Variants in KCNN3 observed in about 807,000 individuals in gnomAD.
KCNN3 encodes the protein potassium calcium-activated channel subfamily N member 3, also known as small conductance calcium-activated potassium channel protein 3.
In KCNN3, 16 loss-of-function variants were observed where a neutral mutation model predicts 62.9. The observed-to-expected ratio is 0.25, with a 90% CI of 0.17 to 0.39. The LOEUF (loss-of-function observed/expected upper bound fraction) is 0.39, where lower values mean the gene tolerates loss of function less well. KCNN3 is among the 10% of genes least tolerant of loss of function. KCNN3 has a pLI of 1.00. For missense variants in KCNN3, 599 were observed against 949.4 expected, an observed-to-expected ratio of 0.63 and a Z score of 4.85; for synonymous variants, 370 against 389.2, an observed-to-expected ratio of 0.95 and a Z score of 0.58.
At chr1:154,846,072 T>C (rs1016739596) in intron 1 of KCNN3, among the ~76,000 whole-genome samples, 2 of 152,178 alleles carry the variant, frequency 1.3e-5, no homozygotes, top group African/African-American at 4.8e-5. Context: ...CAACACCAGC[T>C]GGCAGCGGCT....
intron 1 of KCNN3, among the ~76,000 whole-genome samples, chr1:154,822,632 G>C (rs1257431941): frequency 6.6e-6 from 1 of 152,256 alleles, no homozygotes; most frequent in Non-Finnish European, 1.5e-5. Flanking sequence ...ACCCAAACCA[G>C]AGGATTTCGG....
chr1:154,798,059 T>C (rs1295255710), intron 2 of KCNN3, among the ~76,000 whole-genome samples: 1 of 152,166 alleles, frequency 6.6e-6, no homozygotes, highest in Non-Finnish European at 1.5e-5. Flanking sequence ...TTCAGCTCCA[T>C]GACTGCCATA....
chr1:154,768,576 C>G (rs921302786), intron 3 of KCNN3, among the ~76,000 whole-genome samples: 1 of 152,154 alleles, frequency 6.6e-6, no homozygotes, highest in African/African-American at 2.4e-5. Flanking sequence ...GAGTGTCCTA[C>G]TAGAAGCAAA....
At chr1:154,863,546 C>G (rs1652845896) in intron 1 of KCNN3, among the ~76,000 whole-genome samples, 1 of 152,204 alleles carries the variant, frequency 6.6e-6, no homozygotes, top group Non-Finnish European at 1.5e-5. Context: ...ATGTGCTTCA[C>G]AAATAACTGC....
intron 2 of KCNN3, among the ~76,000 whole-genome samples, chr1:154,780,221 G>A (rs1185143448): frequency 1.3e-5 from 1 of 78,134 alleles, no homozygotes; most frequent in African/African-American, 5.0e-5. Context: ...TTTTTTTTTA[G>A]GATAAGTTTA....
chr1:154,812,406 C>G (rs1034478654), intron 2 of KCNN3, among the ~76,000 whole-genome samples: 3 of 152,106 alleles, frequency 2.0e-5, no homozygotes, highest in Non-Finnish European at 2.9e-5. Flanking sequence ...TATCCCTCCC[C>G]CATCCCCCCA....
At chr1:154,831,677 T>G (rs1651382718) in intron 1 of KCNN3, among the ~76,000 whole-genome samples, 2 of 152,004 alleles carry the variant, frequency 1.3e-5, no homozygotes, top group Non-Finnish European at 2.9e-5. Context: ...GGCCATCCAG[T>G]CTCTGCTTGA....
chr1:154,766,546 A>G (rs920313083), intron 3 of KCNN3, among the ~76,000 whole-genome samples: 1 of 148,834 alleles, frequency 6.7e-6, no homozygotes, highest in Non-Finnish European at 1.5e-5. Context: ...GAGGAACCAC[A>G]GTGCCTGGCC....
chr1:154,813,145 C>T (rs544528242), intron 2 of KCNN3, among the ~76,000 whole-genome samples: 13 of 152,088 alleles, frequency 8.5e-5, no homozygotes, highest in Middle Eastern at 3.4e-3. Flanking sequence ...CCTCTCGTCC[C>T]ATGTAGAATG....
rs1270057106 is a variant in KCNN3, at chr1:154,869,834, G to A, written c.131C>T (p.Pro44Leu). The change falls in exon 1 of 8, where the codon CCG becomes CTG. Residue 44 changes from proline (P) to leucine (L), a missense_variant. By Grantham distance (98) the Pro-to-Leu change is moderately conservative. Transcript: ENST00000271915. This position sits in a 1 kb window ranked among gnomAD's most constrained non-coding sequence, Gnocchi z 6.1. ...QQQQQQQQPP[P>L]PAPPAAPQQP... ...CTGGGGGGCTGCTGGTGGCGCTGGC[G>A]GTGGTGGCTGCTGCTGCTGTTGCTG... 16 of 1,567,788 alleles carry A rather than the reference G, an allele frequency of 1.0e-5. No individual in the cohort carries two copies. Among genetic ancestry groups the A allele is most frequent in the African/African-American group, 5.4e-5 (4 of 73,446 alleles).
At chr1:154,837,392 C>T (rs1406886569) in intron 1 of KCNN3, among the ~76,000 whole-genome samples, 2 of 152,190 alleles carry the variant, frequency 1.3e-5, no homozygotes, top group African/African-American at 4.8e-5. Flanking sequence ...ATCCACCCGC[C>T]TCGGCCTCCC....
At chr1:154,732,071 G>C (rs913092617) in intron 4 of KCNN3, among the ~76,000 whole-genome samples, 1 of 152,188 alleles carries the variant, frequency 6.6e-6, no homozygotes, top group Non-Finnish European at 1.5e-5. Context: ...GCCGCTTCTC[G>C]TTTTCAAAGC....
chr1:154,803,460 A>G (rs776519065), intron 2 of KCNN3, among the ~76,000 whole-genome samples: 1 of 152,212 alleles, frequency 6.6e-6, no homozygotes, highest in Non-Finnish European at 1.5e-5. Context: ...TAAGCCCTTT[A>G]TAAATAAACA....
intron 1 of KCNN3, among the ~76,000 whole-genome samples, chr1:154,866,923 C>T (rs1350376050): frequency 6.6e-6 from 1 of 152,224 alleles, no homozygotes; most frequent in Non-Finnish European, 1.5e-5. Flanking sequence ...GGGAAGAGGG[C>T]CTGATCCTGC....
intron 3 of KCNN3, among the ~76,000 whole-genome samples, chr1:154,739,250 C>A (rs1172351663): frequency 1.3e-5 from 2 of 152,136 alleles, no homozygotes; most frequent in Non-Finnish European, 2.9e-5. Flanking sequence ...CAACAGAACA[C>A]CAAACCAAAG....
intron 3 of KCNN3, among the ~76,000 whole-genome samples, chr1:154,744,732 C>G (rs79783456): frequency 0.01 from 1,546 of 152,160 alleles, 32 homozygotes; most frequent in African/African-American, 0.036. Flanking sequence ...GTGATTCCAG[C>G]TTTATGGAGA....
intron 2 of KCNN3, among the ~76,000 whole-genome samples, chr1:154,803,055 G>C (rs1650025811): frequency 6.6e-6 from 1 of 152,182 alleles, no homozygotes; most frequent in Non-Finnish European, 1.5e-5. Flanking sequence ...GTTAGGGATG[G>C]AGCAATTCAC....
chr1:154,737,137 T>A lies in KCNN3; in HGVS notation c.1449-3993A>T, dbSNP rs895579983. The A allele has an allele frequency of 5.0e-6, 3 of 603,738 alleles. No homozygotes were observed. The East Asian group carries it at 1.0e-4, about 21-fold the overall frequency. 37.4% of individuals were successfully genotyped at this position (603,738 alleles called of 1,614,324 possible). The stretch of plus-strand genomic sequence containing the variant: ...AAAAGGTTTCTAAACCTATTCACAA[T>A]TTTAGAGCGGTTTACACATGTCACA... On this transcript the variant is annotated intron_variant, in intron 3 of 7. Coordinates refer to ENST00000271915, the MANE Select transcript of KCNN3 (RefSeq NM_002249.6).
intron 3 of KCNN3, among the ~76,000 whole-genome samples, chr1:154,742,738 T>C (rs1214867625): frequency 6.6e-6 from 1 of 152,192 alleles, no homozygotes; most frequent in Non-Finnish European, 1.5e-5. Flanking sequence ...CCGTCCTGCC[T>C]GCCTCGCGAG....
Sources: gnomAD v4.1 joint callset for allele counts (sites outside exome capture counted in the v4.1 genomes callset) on GRCh38, gnomAD v4.1.1 for gene constraint, Gnocchi (gnomAD v3.1) non-coding constraint, MANE v1.5 for transcripts, NCBI Gene and HGNC (gene_info 2026-07-23, HGNC 2026-07-21) for gene names.